The following DIP2C variants were observed in gnomAD, a reference collection of about 807,000 sequenced individuals.
The protein encoded by DIP2C is disco-interacting protein 2 homolog C.
DIP2C carries 33 observed loss-of-function variants against 192.4 expected under a neutral mutation model. The observed-to-expected ratio is 0.17, with a 90% CI of 0.13 to 0.23. DIP2C has a LOEUF of 0.23. Among genes scored for constraint, DIP2C ranks in the 10% least tolerant of loss-of-function variants. DIP2C has a pLI of 1.00. For synonymous variants in DIP2C, 979 were observed against 864.1 expected, an observed-to-expected ratio of 1.13 and a Z score of -2.33; for missense variants, 1,537 against 2,110.1, an observed-to-expected ratio of 0.73 and a Z score of 5.32.
intron 31 of DIP2C, chr10:311,495 G>A (rs1054242057): frequency 8.1e-7 from 1 of 1,231,940 alleles, no homozygotes; most frequent in Non-Finnish European, 1.0e-6. Context: ...CAGCGGGGCT[G>A]GGCAGGGAGG....
rs770075296 is a variant in DIP2C at position 525,515 on chromosome 10, GTCTT to G, written c.86-38989_86-38986del. On this transcript the variant is annotated intron_variant, in intron 1 of 36. Coordinates refer to ENST00000280886, the MANE Select transcript of DIP2C (RefSeq NM_014974.3). Reference sequence around the variant, plus strand: ...ACAAATACAAAGTGTTTGAGGAAAAGTCTTTCTAACTGTAAAAATTCGAGCTGAT... The same window carrying G: ...ACAAATACAAAGTGTTTGAGGAAAAGTCTAACTGTAAAAATTCGAGCTGAT... Among the ~76,000 whole-genome samples, 162 of 152,328 alleles carry G rather than the reference GTCTT, an allele frequency of 1.1e-3. 1 individual carries two copies. In the Middle Eastern group the frequency reaches 0.024, roughly 22 times the overall value.
intron 3 of DIP2C, among the ~76,000 whole-genome samples, chr10:456,993 G>A (rs1010203834): frequency 6.6e-6 from 1 of 152,208 alleles, no homozygotes; most frequent in East Asian, 1.9e-4. Context: ...CTCTTACAGT[G>A]TTTATTTCTA....
chr10:664,990 C>T (rs555403926), intron 1 of DIP2C: 3 of 152,210 alleles, frequency 2.0e-5, no homozygotes, highest in South Asian at 2.1e-4. Flanking sequence ...TACTGAATCG[C>T]GACTAGCAGA....
intron 1 of DIP2C, among the ~76,000 whole-genome samples, chr10:540,329 T>C (rs1847910094): frequency 6.6e-6 from 1 of 152,360 alleles, no homozygotes; most frequent in African/African-American, 2.4e-5. Context: ...TCAGGTGTGT[T>C]TGAGGGCAAG....
chr10:440,292 T>C (rs1967624470), intron 4 of DIP2C, among the ~76,000 whole-genome samples: 1 of 152,234 alleles, frequency 6.6e-6, no homozygotes, highest in South Asian at 2.1e-4. Context: ...TAAAGTTTTA[T>C]TGGTACACAG....
chr10:525,812 G>C (rs1157158313), intron 1 of DIP2C, among the ~76,000 whole-genome samples: 1 of 152,184 alleles, frequency 6.6e-6, no homozygotes, highest in Non-Finnish European at 1.5e-5. Flanking sequence ...GGGCCTGAGT[G>C]ACCTGCCAAG....
At chr10:342,279 C>T (rs1416662552) in intron 28 of DIP2C, among the ~76,000 whole-genome samples, 1 of 152,166 alleles carries the variant, frequency 6.6e-6, no homozygotes, top group Non-Finnish European at 1.5e-5. Flanking sequence ...CTGCCTCAGC[C>T]TCCCAAGGAG....
chr10:601,541 C>T (rs1852074021), intron 1 of DIP2C, among the ~76,000 whole-genome samples: 1 of 152,226 alleles, frequency 6.6e-6, no homozygotes, highest in South Asian at 2.1e-4. Context: ...GACTCCAGGG[C>T]ACGAGAGAAT....
intron 8 of DIP2C, among the ~76,000 whole-genome samples, chr10:411,200 C>T (rs1204447228): frequency 6.6e-6 from 1 of 152,130 alleles, no homozygotes; most frequent in Non-Finnish European, 1.5e-5. Flanking sequence ...ATAAATAAAA[C>T]GTTAAAAGGG....
At chr10:540,588 T>G (rs1168447283) in intron 1 of DIP2C, among the ~76,000 whole-genome samples, 1 of 152,216 alleles carries the variant, frequency 6.6e-6, no homozygotes, top group Admixed American at 6.5e-5. Context: ...TAGTGTTTGG[T>G]AGACCAAGTT....
intron 1 of DIP2C, among the ~76,000 whole-genome samples, chr10:644,999 C>T (rs1351625100): frequency 6.6e-6 from 1 of 152,212 alleles, no homozygotes; most frequent in Non-Finnish European, 1.5e-5. Flanking sequence ...CCTGAAGAGG[C>T]ACCTAAAAGC....
intron 1 of DIP2C, among the ~76,000 whole-genome samples, chr10:531,505 TATC>T (rs1242037273): frequency 1.3e-5 from 2 of 152,060 alleles, no homozygotes; most frequent in Non-Finnish European, 2.9e-5. Context: ...AGAATCGAGG[TATC>T]ATACGTGCCG....
chr10:326,554 G>A (rs976067724), intron 31 of DIP2C, among the ~76,000 whole-genome samples: 1 of 152,234 alleles, frequency 6.6e-6, no homozygotes, highest in Non-Finnish European at 1.5e-5. Context: ...CTTCACTTAC[G>A]CCTGTTTCCC....
intron 29 of DIP2C, among the ~76,000 whole-genome samples, chr10:333,351 T>G (rs571619806): frequency 3.1e-4 from 47 of 152,324 alleles, no homozygotes; most frequent in African/African-American, 1.0e-3. Flanking sequence ...CTGAAAGGGA[T>G]CCCGTGTCCA....
At chr10:402,683 G>C (rs202093951) in intron 9 of DIP2C, among the ~76,000 whole-genome samples, 1 of 19,180 alleles carries the variant, frequency 5.2e-5, no homozygotes, top group African/African-American at 5.6e-5. Flanking sequence ...GGACAAGTTT[G>C]GTATGTGTTC....
chr10:660,008 G>C lies in DIP2C; in HGVS notation c.85+29486C>G, dbSNP rs1417177693. Among the ~76,000 whole-genome samples the C allele has an allele frequency of 2.0e-5, 3 of 152,182 alleles. No individual in the cohort carries two copies. In the East Asian group the frequency reaches 5.8e-4, roughly 29 times the overall value. The stretch of plus-strand genomic sequence containing the variant: ...AGAGAGAGGAAAAAATAATCTTTTT[G>C]AAAATGTACAAAAGGAAATGTCAAG... On this transcript the variant is annotated intron_variant, in intron 1 of 36. Coordinates refer to ENST00000280886, the MANE Select transcript of DIP2C (RefSeq NM_014974.3).
chr10:577,900 A>G (rs1174677549), intron 1 of DIP2C, among the ~76,000 whole-genome samples: 3 of 151,974 alleles, frequency 2.0e-5, no homozygotes, highest in Non-Finnish European at 2.9e-5. Context: ...CTATTTCTCC[A>G]TGGTAGAACC....
chr10:364,604 A>G, intron 19 of DIP2C, 22 bp from the exon 20 acceptor site: 1 of 1,609,198 alleles, frequency 6.2e-7, no homozygotes, highest in Non-Finnish European at 8.5e-7. Context: ...AGCATCCATC[A>G]GGCCACTGTT....
Position 277,429 on chromosome 10 carries a change from C to A in DIP2C, c.4567G>T (p.Gly1523Cys), listed in dbSNP as rs150381065. Residue 1523 changes from glycine to cysteine, a missense_variant, in exon 37 of 37, where the codon GGC becomes TGC. This residue lies in a region of DIP2C where 341 missense variants were observed against 551.7 expected (regional missense o/e 0.62). Transcript: ENST00000280886. Reference sequence around the variant, plus strand: ...CCACGGGAGTTGATGGGGATGACGCCGATGTCCACCACGACCACCACTCCG... The same window carrying A: ...CCACGGGAGTTGATGGGGATGACGCAGATGTCCACCACGACCACCACTCCG... The part of the protein sequence containing the change: ...IVGVVVVVDI[G>C]VIPINSRGEK... 1 of 1,614,124 alleles carries A rather than the reference C, an allele frequency of 6.2e-7. No individual in the cohort carries two copies. The highest frequency in any genetic ancestry group is 8.5e-7 in the Non-Finnish European group (1 of 1,180,018).
Sources: gnomAD v4.1 joint callset for allele counts (sites outside exome capture counted in the v4.1 genomes callset) on GRCh38, gnomAD v4.1.1 for gene constraint, gnomAD v4.1.1 regional missense constraint, MANE v1.5 for transcripts, NCBI Gene and HGNC (gene_info 2026-07-23, HGNC 2026-07-21) for gene names.